The following P2RX5 variants were observed in gnomAD, a reference collection of about 807,000 sequenced individuals.
P2RX5 encodes purinergic receptor P2X 5.
A neutral mutation model predicts 54.1 loss-of-function variants in P2RX5; 46 were observed. The observed-to-expected ratio is 0.85, with a 90% CI of 0.67 to 1.09. P2RX5 has a LOEUF of 1.09. P2RX5 is among the 50% of genes least tolerant of loss of function. The pLI, the probability that P2RX5 is intolerant of heterozygous loss-of-function variation, is 0.00. For synonymous variants in P2RX5, 226 were observed against 226.4 expected (o/e 1.00, Z 0.02); for missense variants, 566 against 549.8 (o/e 1.03, Z -0.29).
At chr17:3,723,828 G>A in the P2RX5 span, 3 of 1,556,800 alleles carry the variant, frequency 1.9e-6, no homozygotes, top group Non-Finnish European at 2.6e-6. Flanking sequence ...CCCTGGCGAG[G>A]TGCGCATGCG....
chr17:3,708,454 G>GAAAAA, the P2RX5 span, among the ~76,000 whole-genome samples: 1 of 145,258 alleles, frequency 6.9e-6, no homozygotes, highest in Non-Finnish European at 1.5e-5. Flanking sequence ...AAGCATAGAG[G>GAAAAA]AAAAAAAAAA....
chr17:3,711,036 T>A, the P2RX5 span, among the ~76,000 whole-genome samples: 1 of 152,332 alleles, frequency 6.6e-6, no homozygotes. Context: ...CCCTATGGCA[T>A]GACTCACTGT....
chr17:3,722,714 G>C, the P2RX5 span, among the ~76,000 whole-genome samples: 1 of 152,168 alleles, frequency 6.6e-6, no homozygotes, highest in Non-Finnish European at 1.5e-5. Flanking sequence ...GAATTAAGCA[G>C]AGACCAGATC....
At chr17:3,704,590 C>T in the P2RX5 span, among the ~76,000 whole-genome samples, 822 of 152,312 alleles carry the variant, frequency 5.4e-3, 8 homozygotes, top group African/African-American at 0.017. Flanking sequence ...TGTGACCCAC[C>T]GTAATTGATG....
chr17:3,695,668 G>C (rs1034523169), intron 1 of P2RX5, among the ~76,000 whole-genome samples: 1 of 152,092 alleles, frequency 6.6e-6, no homozygotes, highest in Non-Finnish European at 1.5e-5. Context: ...GCCAGTGGGG[G>C]AGTGGAGAGC....
At position 3,679,116 on chromosome 17, in the gene P2RX5, C is replaced by A. The variant is rs959550672; in HGVS notation, c.1259+474G>T. Among the ~76,000 whole-genome samples the A allele has an allele frequency of 2.0e-4, 31 of 152,212 alleles. 1 individual carries two copies. Among genetic ancestry groups the A allele is most frequent in the African/African-American group, 7.2e-4 (30 of 41,444 alleles). ...GCAAAGGCAGAGTAACTCAGGAGAA[C>A]CTCATCCTACAGACACTGCCGGGAT... On this transcript the variant is annotated intron_variant, in intron 11 of 11. Coordinates refer to ENST00000225328, the MANE Select transcript of P2RX5 (RefSeq NM_002561.4).
At chr17:3,688,782 T>C (rs2050520709) in intron 7 of P2RX5, 23 bp from the exon 8 acceptor site, 5 of 1,613,258 alleles carry the variant, frequency 3.1e-6, no homozygotes, top group African/African-American at 1.3e-5. Context: ...GAGATGAGGG[T>C]CAGCACACAC....
In P2RX5 at chr17:3,680,342, CGTCCTCCACCCAGT is replaced by C. The variant is rs1555568560; in HGVS notation, c.1065-572_1065-559del. Among the ~76,000 whole-genome samples the C allele has an allele frequency of 7.0e-5, 8 of 114,400 alleles. No individual in the cohort carries two copies. The East Asian group carries it at 9.3e-4, about 13-fold the overall frequency. 75.1% of individuals were successfully genotyped at this position (114,400 alleles called of 152,430 possible). On this transcript the variant is annotated intron_variant, in intron 10 of 11. Transcript: ENST00000225328. Reference sequence around the variant, plus strand: ...CCTCCACCCTGCATCCTCCACCCTGCGTCCTCCACCCAGTGTCCTCCACCCTGCGTCCTCCACCC... The same window carrying C: ...CCTCCACCCTGCATCCTCCACCCTGCGTCCTCCACCCTGCGTCCTCCACCC...
At chr17:3,691,379 G>A (rs189622261) in intron 2 of P2RX5, among the ~76,000 whole-genome samples, 1 of 152,328 alleles carries the variant, frequency 6.6e-6, no homozygotes, top group East Asian at 1.9e-4. Flanking sequence ...GACTCACAAT[G>A]ACCTGAAAGT....
the P2RX5 span, chr17:3,723,645 G>C: frequency 9.2e-4 from 1,404 of 1,527,730 alleles, 21 homozygotes; most frequent in South Asian, 0.014. Flanking sequence ...ACCCGCTTCA[G>C]GCCCTCCGCC....
the P2RX5 span, chr17:3,718,297 A>G: frequency 1.3e-5 from 2 of 152,290 alleles, no homozygotes; most frequent in South Asian, 4.1e-4. Flanking sequence ...GGGAAGGCAC[A>G]TGAAGAAAAA....
chr17:3,683,125 C>G (rs1366640009), intron 9 of P2RX5, among the ~76,000 whole-genome samples: 1 of 152,130 alleles, frequency 6.6e-6, no homozygotes, highest in Non-Finnish European at 1.5e-5. Flanking sequence ...GCCCTACGGA[C>G]CAGAGCGATG....
chr17:3,694,999 C>T (rs980250400), intron 1 of P2RX5, among the ~76,000 whole-genome samples: 1 of 152,190 alleles, frequency 6.6e-6, no homozygotes, highest in African/African-American at 2.4e-5. Flanking sequence ...CGGCCAGGGG[C>T]CTGGGGATGC....
chr17:3,705,256 C>A, the P2RX5 span, among the ~76,000 whole-genome samples: 2 of 152,174 alleles, frequency 1.3e-5, no homozygotes, highest in Non-Finnish European at 2.9e-5. Context: ...GTGAAACCCA[C>A]GTATCAAATA....
At chr17:3,711,367 A>ATTTTTTTTTT in the P2RX5 span, among the ~76,000 whole-genome samples, 7 of 88,152 alleles carry the variant, frequency 7.9e-5, no homozygotes, top group African/African-American at 4.2e-4. Context: ...CCCAGCACTC[A>ATTTTTTTTTT]TTCTTTTTTT....
intron 11 of P2RX5, chr17:3,675,521 G>A: frequency 1.0e-6 from 1 of 984,904 alleles, no homozygotes; most frequent in Non-Finnish European, 1.2e-6. Context: ...CAGTGAAGAA[G>A]TGACACACCT....
At position 3,682,178 on chromosome 17, in the gene P2RX5, C is replaced by T; in HGVS notation, c.982-200G>A. On this transcript the variant is annotated intron_variant, in intron 9 of 11. Transcript: ENST00000225328. ...GGTCCATGGTGGAGCTCAAGCTGGA[C>T]TGGAGCTCCCCCGATCCCACAGGCC... is the stretch of plus-strand genomic sequence containing the variant. 6.4e-6 allele frequency: 4 copies of T among 622,808 alleles called. No individual in the cohort carries two copies. The Admixed American group carries it at 9.1e-5, about 14-fold the overall frequency. 38.6% of individuals were successfully genotyped at this position (622,808 alleles called of 1,614,324 possible).
chr17:3,685,651 T>TCCCACGC (rs2050430562), intron 9 of P2RX5: 1 of 35,628 alleles, frequency 2.8e-5, no homozygotes, highest in Non-Finnish European at 1.8e-4. Flanking sequence ...CCTCCCAGCG[T>TCCCACGC]CCCCCTCCCA....
the P2RX5 span, among the ~76,000 whole-genome samples, chr17:3,712,859 C>G: frequency 0.1 from 15,446 of 152,032 alleles, 865 homozygotes; most frequent in Middle Eastern, 0.16. Flanking sequence ...AGGAGAATTG[C>G]TGGAACCCGG....
Sources: allele counts gnomAD v4.1 joint callset (sites outside exome capture counted in the v4.1 genomes callset), GRCh38; gene constraint gnomAD v4.1.1; transcripts MANE v1.5; gene names NCBI Gene and HGNC (gene_info 2026-07-23, HGNC 2026-07-21).